LIPA: variants seen among roughly 807,000 people sequenced by gnomAD.
LIPA encodes the protein lipase A, lysosomal acid type, also known as lysosomal acid lipase/cholesteryl ester hydrolase.
Under a neutral mutation model 40.6 loss-of-function variants are expected in LIPA, and 26 were observed. That is an observed-to-expected ratio of 0.64 (90% CI 0.47 to 0.89). The LOEUF (loss-of-function observed/expected upper bound fraction) is 0.89. LIPA is among the 40% of genes least tolerant of loss of function. The probability of loss-of-function intolerance (pLI) is 0.00; values close to 1 mark genes in which losing one functional copy is unlikely to be tolerated. For synonymous variants in LIPA, 188 were observed against 168.4 expected, an observed-to-expected ratio of 1.12 and a Z score of -0.90; for missense variants, 455 against 479.6, an observed-to-expected ratio of 0.95 and a Z score of 0.48.
intron 1 of LIPA, chr10:89,306,062 G>C: frequency 3.7e-6 from 6 of 1,614,138 alleles, no homozygotes; most frequent in Non-Finnish European, 5.1e-6. Flanking sequence ...TGATTTTGAA[G>C]ACAAAGTATT....
At chr10:89,278,410 G>A (rs1477293349) in intron 1 of LIPA, 3 of 152,218 alleles carry the variant, frequency 2.0e-5, no homozygotes, top group African/African-American at 7.2e-5. Flanking sequence ...GTGTGGAGAA[G>A]GGTCCACTAA....
intron 1 of LIPA, among the ~76,000 whole-genome samples, chr10:89,329,455 G>A (rs1843629178): frequency 1.3e-5 from 2 of 152,138 alleles, no homozygotes; most frequent in African/African-American, 2.4e-5. Context: ...ACTGACCTGA[G>A]GAGGTCTGAG....
intron 1 of LIPA, chr10:89,307,473 A>G (rs1843489897): frequency 1.0e-6 from 1 of 968,736 alleles, no homozygotes; most frequent in African/African-American, 1.6e-5. Flanking sequence ...GGTATGGCAA[A>G]AGATTGGACT....
intron 2 of LIPA, among the ~76,000 whole-genome samples, chr10:89,365,200 C>T (rs1311827140): frequency 6.6e-6 from 1 of 152,182 alleles, no homozygotes; most frequent in East Asian, 1.9e-4. Context: ...AAGGAGCTCT[C>T]CTGGCCTCTC....
In LIPA at chr10:89,385,929, T is replaced by C. The variant is rs146234791; in HGVS notation, c.61+26862A>G. Among the ~76,000 whole-genome samples, 262 of 152,362 alleles carry C rather than the reference T, an allele frequency of 1.7e-3. 5 individuals are homozygous for C. In the East Asian group the frequency reaches 0.043, roughly 25 times the overall value. On this transcript the variant is annotated intron_variant, in intron 2 of 8. Coordinates refer to the LIPA transcript ENST00000371837. ...TATTCAAAAACAAGTGTATTTTGTGTTTTATTTCAAATAGAAAAATGTAGA... is the reference window on the plus strand; with the variant it reads ...TATTCAAAAACAAGTGTATTTTGTGCTTTATTTCAAATAGAAAAATGTAGA...
At chr10:89,216,198 T>C (rs895726988) in intron 8 of LIPA, among the ~76,000 whole-genome samples, 189 bp from the exon 9 acceptor site, 6 of 152,068 alleles carry the variant, frequency 3.9e-5, no homozygotes, top group African/African-American at 1.4e-4. Context: ...TGACTCAATT[T>C]CTCATTGTAT....
chr10:89,334,520 G>T (rs145299689), intron 1 of LIPA, among the ~76,000 whole-genome samples: 3,655 of 45,632 alleles, frequency 0.08, 267 homozygotes, highest in African/African-American at 0.29. Context: ...TTTTGAGACG[G>T]AGTTTTGCTC....
chr10:89,325,460 CA>C (rs1843593168), intron 1 of LIPA, among the ~76,000 whole-genome samples: 1 of 152,140 alleles, frequency 6.6e-6, no homozygotes, highest in Non-Finnish European at 1.5e-5. Flanking sequence ...GACATGGACT[CA>C]ACCTAAATGC....
intron 2 of LIPA, among the ~76,000 whole-genome samples, chr10:89,350,324 T>TTTTTTTTTTTTGGG (rs1384771963): frequency 6.6e-6 from 1 of 151,368 alleles, no homozygotes; most frequent in Non-Finnish European, 1.5e-5. Flanking sequence ...CCTTTTTTTT[T>TTTTTTTTTTTTGGG]AAGACGGAGT....
intron 3 of LIPA, among the ~76,000 whole-genome samples, chr10:89,228,616 T>A (rs1057473798): frequency 6.6e-6 from 1 of 152,244 alleles, no homozygotes; most frequent in Non-Finnish European, 1.5e-5. Context: ...ATTTTTTGCA[T>A]GTCCACTAAC....
intron 2 of LIPA, among the ~76,000 whole-genome samples, chr10:89,410,734 C>T (rs1207550111): frequency 6.6e-6 from 1 of 152,240 alleles, no homozygotes. Context: ...GGGGGAACCC[C>T]CATTAAATAA....
chr10:89,345,531 AAAAT>A (rs3063811), upstream of LIPA, among the ~76,000 whole-genome samples: 40,637 of 148,500 alleles, frequency 0.27, 6,131 homozygotes, highest in East Asian at 0.62. Context: ...TCCATCTCAA[AAAAT>A]AAATAAATAA....
intron 1 of LIPA, among the ~76,000 whole-genome samples, chr10:89,277,228 G>A (rs537289415): frequency 1.3e-5 from 2 of 152,346 alleles, no homozygotes; most frequent in Non-Finnish European, 2.9e-5. Context: ...GCTGCAATAC[G>A]AGAGGAAATA....
At chr10:89,339,250 G>GCCA (rs763548045) in intron 1 of LIPA, 3 of 1,614,058 alleles carry the variant, frequency 1.9e-6, no homozygotes, top group Non-Finnish European at 2.5e-6. Context: ...TTTGAAGCAG[G>GCCA]CCATTGAGCT....
intron 2 of LIPA, among the ~76,000 whole-genome samples, chr10:89,350,324 T>TTTTTTTTTTTTTGAG (rs1384771963): frequency 1.3e-5 from 2 of 151,370 alleles, no homozygotes; most frequent in Non-Finnish European, 2.9e-5. Flanking sequence ...CCTTTTTTTT[T>TTTTTTTTTTTTTGAG]AAGACGGAGT....
At chr10:89,366,999 A>G (rs1844061172) in intron 2 of LIPA, among the ~76,000 whole-genome samples, 1 of 152,216 alleles carries the variant, frequency 6.6e-6, no homozygotes, top group Non-Finnish European at 1.5e-5. Context: ...GCAGCCATAA[A>G]AAAGGATGAG....
chr10:89,319,564 T>C (rs1195944275), intron 1 of LIPA, among the ~76,000 whole-genome samples: 2 of 152,224 alleles, frequency 1.3e-5, no homozygotes, highest in Non-Finnish European at 2.9e-5. Context: ...ATTGAGGCAA[T>C]AATTAATAGC....
At chr10:89,325,505 T>C (rs1208138107) in intron 1 of LIPA, among the ~76,000 whole-genome samples, 2 of 152,120 alleles carry the variant, frequency 1.3e-5, no homozygotes, top group Admixed American at 1.3e-4. Context: ...GGAAATGTGG[T>C]ACATATACAC....
At chr10:89,351,519 C>A (rs571818030) in intron 2 of LIPA, among the ~76,000 whole-genome samples, 11 of 152,320 alleles carry the variant, frequency 7.2e-5, no homozygotes, top group Non-Finnish European at 1.5e-4. Context: ...GTTCTGTCCA[C>A]AGAGCCTATG....
Sources: allele counts gnomAD v4.1 joint callset (sites outside exome capture counted in the v4.1 genomes callset), GRCh38; gene constraint gnomAD v4.1.1; transcripts MANE v1.5; gene names NCBI Gene and HGNC (gene_info 2026-07-23, HGNC 2026-07-21).